The following MAGI2 variants were observed in gnomAD, a reference collection of about 807,000 sequenced individuals.
MAGI2 encodes the protein membrane associated guanylate kinase, WW and PDZ domain containing 2, also known as membrane-associated guanylate kinase, WW and PDZ domain-containing protein 2.
A neutral mutation model predicts 133.3 loss-of-function variants in MAGI2; 35 were observed. The ratio of observed to expected loss-of-function variants is 0.26; its 90% CI spans 0.20 to 0.35. The LOEUF is 0.35. Among genes scored for constraint, MAGI2 ranks in the 10% least tolerant of loss-of-function variants. The probability of loss-of-function intolerance (pLI) is 1.00; values close to 1 mark genes in which losing one functional copy is unlikely to be tolerated. For synonymous variants in MAGI2, 729 were observed against 710.6 expected, an observed-to-expected ratio of 1.03 and a Z score of -0.41; for missense variants, 1,636 against 1,863.4, an observed-to-expected ratio of 0.88 and a Z score of 2.25.
intron 9 of MAGI2, among the ~76,000 whole-genome samples, chr7:78,295,060 A>C (rs1797095325): frequency 6.6e-6 from 1 of 152,156 alleles, no homozygotes; most frequent in Admixed American, 6.6e-5. Flanking sequence ...AATGAGCCTC[A>C]TCTTACCTTG....
chr7:78,201,081 G>A (rs1029552584), intron 11 of MAGI2, 81 bp downstream of exon 11: 5 of 875,074 alleles, frequency 5.7e-6, no homozygotes, highest in African/African-American at 3.6e-5. Flanking sequence ...GAGATTTTGA[G>A]GTCACCCAAT....
At chr7:79,104,157 G>A (rs1418334497) in intron 1 of MAGI2, among the ~76,000 whole-genome samples, 1 of 152,116 alleles carries the variant, frequency 6.6e-6, no homozygotes, top group African/African-American at 2.4e-5. Context: ...ACAACAAAAT[G>A]TAAGTAATCA....
rs1791631484 is a variant in MAGI2 at position 78,245,167 on chromosome 7, A to G, written c.2047+10776T>C. 1.3e-5 allele frequency among the ~76,000 whole-genome samples: 2 copies of G among 152,246 alleles called. 1 individual carries two copies. The highest frequency in any genetic ancestry group is 4.1e-4 in the South Asian group (2 of 4,832). ...ATGAACTGAAAAAATTACGAGAAACACTAAGATAACTCAGTAAAGGAGCTG... is the reference window on the plus strand; with the variant it reads ...ATGAACTGAAAAAATTACGAGAAACGCTAAGATAACTCAGTAAAGGAGCTG... On this transcript the variant is annotated intron_variant, in intron 10 of 21. Coordinates refer to ENST00000354212, the MANE Select transcript of MAGI2 (RefSeq NM_012301.4).
intron 1 of MAGI2, among the ~76,000 whole-genome samples, chr7:79,217,161 G>A (rs931400526): frequency 2.0e-5 from 3 of 151,916 alleles, no homozygotes; most frequent in African/African-American, 7.3e-5. Context: ...TTTTATATCT[G>A]AGGAAATGAG....
chr7:79,229,770 C>T (rs998512429), intron 1 of MAGI2, among the ~76,000 whole-genome samples: 2 of 150,754 alleles, frequency 1.3e-5, no homozygotes, highest in Non-Finnish European at 3.0e-5. Context: ...GAAAAATATT[C>T]TTTTTTTTTA....
At chr7:78,785,224 T>C (rs899373211) in intron 2 of MAGI2, among the ~76,000 whole-genome samples, 4 of 152,210 alleles carry the variant, frequency 2.6e-5, no homozygotes, top group African/African-American at 9.6e-5. Flanking sequence ...GGGAGAAAAA[T>C]CTACATCCAA....
intron 10 of MAGI2, among the ~76,000 whole-genome samples, chr7:78,247,444 C>T (rs1791919030): frequency 6.6e-6 from 1 of 151,744 alleles, no homozygotes; most frequent in South Asian, 2.1e-4. Context: ...AACTAACCTC[C>T]AGAAAAAGGG....
rs200229755 is a variant in MAGI2, at chr7:78,576,203, T to TC, written c.538+50916dup. 6.8e-3 allele frequency among the ~76,000 whole-genome samples: 1,036 copies of TC among 152,150 alleles called. 10 individuals carry two copies. The highest frequency in any genetic ancestry group is 0.024 in the African/African-American group (999 of 41,486). On this transcript the variant is annotated intron_variant, in intron 3 of 21. Coordinates refer to ENST00000354212, the MANE Select transcript of MAGI2 (RefSeq NM_012301.4). ...ACCTCTCTATAATGCTTTTTTTTTT[T>TC]CTTGTTTTGTCACAGTTTAGAACTT...
At chr7:78,862,360 G>A (rs1396153634) in intron 2 of MAGI2, among the ~76,000 whole-genome samples, 7 of 152,152 alleles carry the variant, frequency 4.6e-5, no homozygotes, top group South Asian at 4.1e-4. Flanking sequence ...AAATGAAAAC[G>A]TATATGGGAA....
chr7:78,183,145 A>G (rs1050050250), intron 13 of MAGI2, among the ~76,000 whole-genome samples: 3 of 152,222 alleles, frequency 2.0e-5, no homozygotes, highest in African/African-American at 7.2e-5. Context: ...AGTTAATAAT[A>G]TACCTTATAA....
intron 1 of MAGI2, among the ~76,000 whole-genome samples, chr7:79,151,897 G>A (rs1358403907): frequency 1.4e-5 from 1 of 70,388 alleles, no homozygotes; most frequent in Non-Finnish European, 5.4e-5. Flanking sequence ...GGTGTCTAAA[G>A]TCCAGAAATT....
In MAGI2 at chr7:78,470,076, C is replaced by T. The variant is rs544402535; in HGVS notation, c.1045+19685G>A. 2.8e-4 allele frequency among the ~76,000 whole-genome samples: 42 copies of T among 152,214 alleles called. No individual in the cohort carries two copies. In the South Asian group the frequency reaches 7.7e-3, roughly 28 times the overall value. ...GCCCCTGCATTTTCTTTGAAAGACTCCAGTCATGCATCTTTCTCACTGTCA... is the reference window on the plus strand; with the variant it reads ...GCCCCTGCATTTTCTTTGAAAGACTTCAGTCATGCATCTTTCTCACTGTCA... On this transcript the variant is annotated intron_variant, in intron 6 of 21. Coordinates refer to ENST00000354212, the MANE Select transcript of MAGI2 (RefSeq NM_012301.4).
intron 2 of MAGI2, among the ~76,000 whole-genome samples, chr7:78,690,040 G>T (rs1382316686): frequency 6.6e-6 from 1 of 152,078 alleles, no homozygotes; most frequent in Non-Finnish European, 1.5e-5. Flanking sequence ...TTTTGCAAGA[G>T]TTATTAAATA....
At chr7:79,367,858 C>CACACACACACACACATATATATATAT in intron 1 of MAGI2, among the ~76,000 whole-genome samples, 2 of 87,114 alleles carry the variant, frequency 2.3e-5, no homozygotes, top group African/African-American at 9.3e-5. Flanking sequence ...ATATATGTGA[C>CACACACACACACACATATATATATAT]ATATATATAT....
intron 20 of MAGI2, among the ~76,000 whole-genome samples, chr7:78,080,650 G>C (rs1451404777): frequency 6.6e-6 from 1 of 152,142 alleles, no homozygotes; most frequent in Non-Finnish European, 1.5e-5. Context: ...TCTCTTCTGA[G>C]CTTCAGACTC....
At chr7:78,299,867 A>G (rs1483996505) in intron 9 of MAGI2, among the ~76,000 whole-genome samples, 1 of 152,188 alleles carries the variant, frequency 6.6e-6, no homozygotes, top group African/African-American at 2.4e-5. Context: ...AATTAATTTA[A>G]TACAATTAAG....
At chr7:78,688,614 G>T (rs1816632894) in intron 2 of MAGI2, among the ~76,000 whole-genome samples, 1 of 152,206 alleles carries the variant, frequency 6.6e-6, no homozygotes, top group African/African-American at 2.4e-5. Flanking sequence ...GTTCACAGAA[G>T]TGTAAGAATG....
intron 20 of MAGI2, among the ~76,000 whole-genome samples, chr7:78,113,209 T>C (rs1819531829): frequency 6.6e-6 from 1 of 151,824 alleles, no homozygotes; most frequent in Non-Finnish European, 1.5e-5. Flanking sequence ...GTGATGAGGG[T>C]CTGATCTTTA....
At chr7:78,379,671 A>T (rs1794743073) in intron 6 of MAGI2, among the ~76,000 whole-genome samples, 1 of 152,054 alleles carries the variant, frequency 6.6e-6, no homozygotes, top group African/African-American at 2.4e-5. Context: ...TATCATAACT[A>T]GGCAGATCTT....
Sources: gnomAD v4.1 joint callset for allele counts (sites outside exome capture counted in the v4.1 genomes callset) on GRCh38, gnomAD v4.1.1 for gene constraint, MANE v1.5 for transcripts, NCBI Gene and HGNC (gene_info 2026-07-23, HGNC 2026-07-21) for gene names.